Variants in PATJ observed in about 807,000 individuals in gnomAD.
The protein encoded by PATJ is PATJ crumbs cell polarity complex component, also known as inaD-like protein.
In PATJ, 190 loss-of-function variants were observed where a neutral mutation model predicts 224.9. The observed-to-expected ratio is 0.84, with a 90% CI of 0.75 to 0.95. PATJ has a LOEUF of 0.95. PATJ is among the 40% of genes least tolerant of loss of function. The probability of loss-of-function intolerance (pLI) is 0.00; values close to 1 mark genes in which losing one functional copy is unlikely to be tolerated. For missense variants in PATJ, 2,121 were observed against 2,270.3 expected, an observed-to-expected ratio of 0.93 and a Z score of 1.34; for synonymous variants, 769 against 820.3, an observed-to-expected ratio of 0.94 and a Z score of 1.07.
intron 41 of PATJ, among the ~76,000 whole-genome samples, chr1:62,134,422 T>C (rs1666608088): frequency 6.7e-6 from 1 of 149,820 alleles, no homozygotes; most frequent in South Asian, 2.2e-4. Flanking sequence ...CCTGGCTCGC[T>C]GCAACTTCCA....
chr1:61,995,269 C>T (rs920328949), intron 28 of PATJ, among the ~76,000 whole-genome samples: 5 of 152,102 alleles, frequency 3.3e-5, no homozygotes, highest in African/African-American at 1.2e-4. Flanking sequence ...TCGTCTCTCC[C>T]TCAATTGAAG....
chr1:62,124,732 T>C (rs935012626), intron 39 of PATJ, among the ~76,000 whole-genome samples: 10 of 152,290 alleles, frequency 6.6e-5, no homozygotes, highest in African/African-American at 2.4e-4. Flanking sequence ...TAGCCACACG[T>C]GGCCTTTTTT....
chr1:61,747,455 T>A (rs1645081343), intron 1 of PATJ, among the ~76,000 whole-genome samples: 1 of 152,190 alleles, frequency 6.6e-6, no homozygotes, highest in African/African-American at 2.4e-5. Context: ...CAGAATCTGG[T>A]CCCATTTGCA....
At chr1:61,977,465 T>G (rs973952493) in intron 27 of PATJ, among the ~76,000 whole-genome samples, 1 of 152,066 alleles carries the variant, frequency 6.6e-6, no homozygotes, top group African/African-American at 2.4e-5. Context: ...AATTCATCTT[T>G]CCCAGTGTAA....
intron 28 of PATJ, among the ~76,000 whole-genome samples, chr1:61,996,558 A>G (rs1017866057): frequency 2.6e-5 from 4 of 152,086 alleles, no homozygotes; most frequent in Non-Finnish European, 5.9e-5. Flanking sequence ...CATGGATGCA[A>G]TTTTATGAAG....
At chr1:61,869,554 G>A (rs1310756338) in intron 20 of PATJ, among the ~76,000 whole-genome samples, 1 of 152,088 alleles carries the variant, frequency 6.6e-6, no homozygotes, top group Non-Finnish European at 1.5e-5. Context: ...AGTCACATAA[G>A]GGAAGCTCTG....
intron 1 of PATJ, among the ~76,000 whole-genome samples, chr1:61,753,579 G>T (rs1485671275): frequency 6.6e-6 from 1 of 151,050 alleles, no homozygotes; most frequent in East Asian, 1.9e-4. Context: ...GCACGATCTT[G>T]GCTCACTGCA....
At chr1:61,786,520 G>C (rs1473937603) in intron 7 of PATJ, among the ~76,000 whole-genome samples, 2 of 151,994 alleles carry the variant, frequency 1.3e-5, no homozygotes, top group African/African-American at 4.8e-5. Context: ...TAAGACAACA[G>C]CTCTGAAACT....
intron 4 of PATJ, among the ~76,000 whole-genome samples, chr1:61,768,167 T>C (rs1282602035): frequency 6.6e-6 from 1 of 152,030 alleles, no homozygotes; most frequent in African/African-American, 2.4e-5. Context: ...TGAATTTACC[T>C]AATAAATAGA....
intron 21 of PATJ, among the ~76,000 whole-genome samples, chr1:61,883,445 T>G (rs1216695289): frequency 6.6e-6 from 1 of 152,094 alleles, no homozygotes; most frequent in Non-Finnish European, 1.5e-5. Context: ...TAGTTTGATG[T>G]GAGAATTAAA....
Position 61,839,825 on chromosome 1 carries a change from A to G in PATJ, c.2112+6040A>G, listed in dbSNP as rs150687027. 3.1e-3 allele frequency among the ~76,000 whole-genome samples: 475 copies of G among 151,948 alleles called. 6 individuals are homozygous for G. The highest frequency in any genetic ancestry group is 0.01 in the African/African-American group (432 of 41,486). ...TTCCTCTCCCCTCTTGAGTGACTCA[A>G]TTTTTGCCAAAGCTGATATTTTTGA... is the stretch of plus-strand genomic sequence containing the variant. On this transcript the variant is annotated intron_variant, in intron 17 of 43. Transcript: ENST00000642238.
At chr1:61,955,005 G>A (rs537661426) in intron 27 of PATJ, among the ~76,000 whole-genome samples, 9 of 152,086 alleles carry the variant, frequency 5.9e-5, no homozygotes, top group South Asian at 4.2e-4. Context: ...CTCCAGCCTC[G>A]GCCTCCCAAA....
At chr1:62,001,795 A>T (rs1401369092) in intron 28 of PATJ, among the ~76,000 whole-genome samples, 1 of 151,940 alleles carries the variant, frequency 6.6e-6, no homozygotes, top group East Asian at 1.9e-4. Flanking sequence ...TTTTCACGAT[A>T]TTGATTCTTC....
In PATJ at chr1:61,908,371, G is replaced by C; in HGVS notation, c.3382-1G>C. 6.2e-7 allele frequency: 1 copy of C among 1,605,646 alleles called. No individual in the cohort carries two copies. The highest frequency in any genetic ancestry group is 2.2e-5 in the East Asian group (1 of 44,808). ...TGAAATAACTTGCTTCTGTGTTTCA[G>C]GTGTCTGGAGTAGATTTGCAGAATG... is the stretch of plus-strand genomic sequence containing the variant. On this transcript the variant is annotated splice_acceptor_variant, in intron 24 of 43. Transcript: ENST00000642238. LOFTEE classifies it high-confidence loss of function.
At chr1:62,154,691 T>C (rs1668999381) in intron 43 of PATJ, among the ~76,000 whole-genome samples, 1 of 151,562 alleles carries the variant, frequency 6.6e-6, no homozygotes, top group African/African-American at 2.4e-5. Context: ...GATAAAGGTC[T>C]TTGAAAGGAG....
chr1:61,956,560 A>C (rs2149404719), intron 27 of PATJ, among the ~76,000 whole-genome samples: 1 of 152,318 alleles, frequency 6.6e-6, no homozygotes, highest in Middle Eastern at 3.4e-3. Flanking sequence ...TTTATATCTA[A>C]TGGGTAGTTT....
chr1:62,128,270 C>T (rs747685696), intron 40 of PATJ, 176 bp downstream of exon 40: 30 of 574,628 alleles, frequency 5.2e-5, no homozygotes, highest in Non-Finnish European at 6.9e-5. Flanking sequence ...TCCCCAGGCA[C>T]ATAAAAATAT....
chr1:62,117,661 TG>T (rs1483198968), intron 37 of PATJ, among the ~76,000 whole-genome samples: 5 of 152,126 alleles, frequency 3.3e-5, no homozygotes, highest in African/African-American at 1.2e-4. Context: ...GAGAACCAAG[TG>T]TGGGGGTTTT....
At chr1:61,995,606 TCCATCAATGGCTTGGTTC>T (rs1197542018) in intron 28 of PATJ, among the ~76,000 whole-genome samples, 13 of 152,298 alleles carry the variant, frequency 8.5e-5, no homozygotes, top group African/African-American at 3.1e-4. Context: ...GCAAATTCTG[TCCATCAATGGCTTGGTTC>T]ACATACAAAA....
Sources: allele counts gnomAD v4.1 joint callset (sites outside exome capture counted in the v4.1 genomes callset), GRCh38; gene constraint gnomAD v4.1.1; transcripts MANE v1.5; gene names NCBI Gene and HGNC (gene_info 2026-07-23, HGNC 2026-07-21).